The following ANAPC10 variants were observed in gnomAD, a reference collection of about 807,000 sequenced individuals.
ANAPC10 encodes the protein anaphase promoting complex subunit 10.
ANAPC10 carries 12 observed loss-of-function variants against 22.0 expected under a neutral mutation model. That is an observed-to-expected ratio of 0.55 (90% confidence interval 0.35 to 0.88). The LOEUF is 0.88. Ranked by LOEUF, ANAPC10 falls within the 40% of genes least tolerant of loss-of-function variation. The pLI is 0.01. For synonymous variants in ANAPC10, 65 were observed against 69.5 expected, an observed-to-expected ratio of 0.94 and a Z score of 0.32; for missense variants, 188 against 220.9, an observed-to-expected ratio of 0.85 and a Z score of 0.94.
chr4:145,019,778 C>T (rs1290034107), intron 4 of ANAPC10, among the ~76,000 whole-genome samples: 3 of 151,992 alleles, frequency 2.0e-5, no homozygotes, highest in Admixed American at 1.3e-4. Flanking sequence ...CACAGAAATA[C>T]AAAAGATCAT....
At chr4:144,995,830 C>T (rs1236998176) in intron 4 of ANAPC10, among the ~76,000 whole-genome samples, 1 of 152,146 alleles carries the variant, frequency 6.6e-6, no homozygotes, top group Non-Finnish European at 1.5e-5. Flanking sequence ...AATAGATGTG[C>T]TTCATGTTTA....
At chr4:145,054,630 TGTGTGTGTGTGCGCGCGCGCGCGCGTGC>T (rs1196587501) in intron 4 of ANAPC10, among the ~76,000 whole-genome samples, 3 of 124,990 alleles carry the variant, frequency 2.4e-5, no homozygotes, top group Non-Finnish European at 5.1e-5. Context: ...TGTGTGTGTG[TGTGTGTGTGTGCGCGCGCGCGCGCGTGC>T]GTGCAGCGCA....
intron 4 of ANAPC10, among the ~76,000 whole-genome samples, chr4:145,019,324 T>C (rs1178733808): frequency 6.6e-6 from 1 of 152,088 alleles, no homozygotes; most frequent in African/African-American, 2.4e-5. Context: ...TACATGGAAA[T>C]TAAATAACCT....
At position 145,058,198 on chromosome 4, in the gene ANAPC10, C is replaced by T. The variant is rs541990033; in HGVS notation, c.327+6374G>A. ...ACTTCTCCAGTCTTTCTTACCACTC[C>T]CTCAGACCTATCCAGCTTCCATGGC... On this transcript the variant is annotated intron_variant, in intron 4 of 4. Coordinates refer to ENST00000507656, the MANE Select transcript of ANAPC10 (RefSeq NM_001256706.2). Among the ~76,000 whole-genome samples, 5 of 152,270 alleles carry T rather than the reference C, an allele frequency of 3.3e-5. No individual in the cohort carries two copies. The East Asian group carries it at 9.6e-4, about 29-fold the overall frequency.
intron 1 of ANAPC10, chr4:145,097,458 A>G: frequency 7.8e-7 from 1 of 1,283,614 alleles, no homozygotes; most frequent in Non-Finnish European, 1.0e-6. Flanking sequence ...ACATTGTTAT[A>G]TATGCTATTC....
At chr4:145,077,881 T>A (rs1745415547) in intron 3 of ANAPC10, among the ~76,000 whole-genome samples, 1 of 152,040 alleles carries the variant, frequency 6.6e-6, no homozygotes, top group Non-Finnish European at 1.5e-5. Flanking sequence ...TTCAAAATAA[T>A]AAGGGCCATC....
At chr4:145,028,337 G>C (rs1020330274) in intron 4 of ANAPC10, among the ~76,000 whole-genome samples, 1 of 152,130 alleles carries the variant, frequency 6.6e-6, no homozygotes, top group East Asian at 1.9e-4. Context: ...CATGATGGAT[G>C]CTTCCTGCCT....
In ANAPC10 at chr4:144,995,083, C is replaced by CAACTCTTTTCTTTTGATACAAGG. The variant is rs1286509466; in HGVS notation, c.*267_*289dup. 4.7e-6 allele frequency: 1 copy of CAACTCTTTTCTTTTGATACAAGG among 211,746 alleles called. No homozygotes were observed. The highest frequency in any genetic ancestry group is 9.4e-6 in the Non-Finnish European group (1 of 106,308). 13.1% of individuals were successfully genotyped at this position (211,746 alleles called of 1,614,324 possible). A position where few individuals can be genotyped will look rare whatever the true frequency, so the allele number is the denominator to read the frequency against. ...TGTGTATATACTGAAATTTTCAGTT[C>CAACTCTTTTCTTTTGATACAAGG]AACTCTTTTCTTTTGATACAAGGAA... On this transcript the variant is annotated 3_prime_UTR_variant, in exon 5 of 5. Coordinates refer to ENST00000507656, the MANE Select transcript of ANAPC10 (RefSeq NM_001256706.2).
chr4:145,082,811 T>C lies in ANAPC10; in HGVS notation c.116-1061A>G, dbSNP rs541659512. On this transcript the variant is annotated intron_variant, in intron 2 of 4. Transcript: ENST00000507656. ...TCTGATTTAATGGTAAAATGCAGAC[T>C]TTTTAATAAGAGAAATAAGTTTAAC... Among the ~76,000 whole-genome samples the C allele has an allele frequency of 3.9e-5, 6 of 152,340 alleles. No individual in the cohort carries two copies. In the South Asian group the frequency reaches 1.2e-3, roughly 32 times the overall value.
At chr4:145,045,259 C>T (rs1355415202) in intron 4 of ANAPC10, among the ~76,000 whole-genome samples, 1 of 152,012 alleles carries the variant, frequency 6.6e-6, no homozygotes, top group East Asian at 1.9e-4. Flanking sequence ...CTTTATCCTA[C>T]TTAATTCTTT....
chr4:145,013,748 C>A (rs1734694932), intron 4 of ANAPC10, among the ~76,000 whole-genome samples: 1 of 152,098 alleles, frequency 6.6e-6, no homozygotes, highest in Admixed American at 6.5e-5. Context: ...GGAGACAGCC[C>A]AAATACTGAG....
chr4:145,067,772 T>C (rs1339401309), intron 3 of ANAPC10, among the ~76,000 whole-genome samples: 3 of 152,236 alleles, frequency 2.0e-5, no homozygotes, highest in African/African-American at 7.2e-5. Context: ...GACATATTCC[T>C]AGTTGCCTAA....
At chr4:145,031,700 G>T (rs972431810) in intron 4 of ANAPC10, among the ~76,000 whole-genome samples, 3 of 152,350 alleles carry the variant, frequency 2.0e-5, no homozygotes, top group Middle Eastern at 3.4e-3. Flanking sequence ...GTGGCAGATA[G>T]GGATGCTGTT....
intron 2 of ANAPC10, among the ~76,000 whole-genome samples, chr4:145,088,297 T>A (rs768701869): frequency 1.3e-5 from 2 of 152,292 alleles, no homozygotes; most frequent in East Asian, 1.9e-4. Flanking sequence ...TAGAATATCA[T>A]TGGCACACTG....
chr4:145,065,724 T>C (rs1169713561), intron 3 of ANAPC10, among the ~76,000 whole-genome samples: 2 of 152,010 alleles, frequency 1.3e-5, no homozygotes, highest in Non-Finnish European at 2.9e-5. Flanking sequence ...ATCATGTACA[T>C]ATATAGTTAC....
intron 4 of ANAPC10, among the ~76,000 whole-genome samples, chr4:145,047,233 C>G (rs1740440701): frequency 6.6e-6 from 1 of 152,074 alleles, no homozygotes; most frequent in Non-Finnish European, 1.5e-5. Flanking sequence ...CAGCATGTGG[C>G]AAAGACAATC....
chr4:145,051,372 C>G (rs915805370), intron 4 of ANAPC10, among the ~76,000 whole-genome samples: 3 of 152,034 alleles, frequency 2.0e-5, no homozygotes, highest in African/African-American at 7.2e-5. Flanking sequence ...AATCACCGAT[C>G]ACAGATCACC....
intron 4 of ANAPC10, among the ~76,000 whole-genome samples, chr4:145,060,584 A>G (rs1353331485): frequency 6.6e-6 from 1 of 152,046 alleles, no homozygotes; most frequent in Non-Finnish European, 1.5e-5. Context: ...AGTGAAAAAA[A>G]AAGGAAAATC....
intron 4 of ANAPC10, among the ~76,000 whole-genome samples, chr4:145,035,688 A>C (rs980138570): frequency 5.3e-5 from 8 of 152,222 alleles, no homozygotes; most frequent in African/African-American, 1.9e-4. Context: ...CATAGGTTCC[A>C]GATTGTTTTT....
Sources: gnomAD v4.1 joint callset for allele counts (sites outside exome capture counted in the v4.1 genomes callset) on GRCh38, gnomAD v4.1.1 for gene constraint, MANE v1.5 for transcripts, NCBI Gene and HGNC (gene_info 2026-07-23, HGNC 2026-07-21) for gene names.